Variants in SARDH observed in about 807,000 individuals in gnomAD.
SARDH encodes sarcosine dehydrogenase, mitochondrial.
Under a neutral mutation model 109.1 loss-of-function variants are expected in SARDH, and 95 were observed. That is an observed-to-expected ratio of 0.87 (90% CI 0.74 to 1.03). The LOEUF is 1.03. Among genes scored for constraint, SARDH ranks in the 50% least tolerant of loss-of-function variants. SARDH has a pLI of 0.00. For missense variants in SARDH, 1,267 were observed against 1,287.8 expected (o/e 0.98, Z 0.25); for synonymous variants, 572 against 534.8 (o/e 1.07, Z -0.96).
At chr9:133,726,140 G>A (rs1307607418) in intron 6 of SARDH, among the ~76,000 whole-genome samples, 1 of 152,070 alleles carries the variant, frequency 6.6e-6, no homozygotes, top group Admixed American at 6.5e-5. Flanking sequence ...TTAGGAGTCT[G>A]AGGCAGGAGG....
chr9:133,717,581 G>A, intron 7 of SARDH, 126 bp from the exon 8 acceptor site: 1 of 1,365,972 alleles, frequency 7.3e-7, no homozygotes, highest in Non-Finnish European at 9.9e-7. Flanking sequence ...GAGGGCTGGT[G>A]GTCACCCACA....
chr9:133,670,870 T>C (rs1830322116), intron 18 of SARDH, 118 bp from the exon 19 acceptor site: 3 of 1,364,424 alleles, frequency 2.2e-6, no homozygotes, highest in Middle Eastern at 2.4e-4. Flanking sequence ...CTCTCAGAGC[T>C]GCTTAGTCAC....
rs548569853 is a variant in SARDH at position 133,704,715 on chromosome 9, C to A, written c.1554+233G>T. ...CCATGGAAGGCCTGGCCACAGCGGACGGGTAGTGGGGAGGACGAGGAGTGG... is the reference window on the plus strand; with the variant it reads ...CCATGGAAGGCCTGGCCACAGCGGAAGGGTAGTGGGGAGGACGAGGAGTGG... On this transcript the variant is annotated intron_variant, in intron 12 of 20. Coordinates refer to ENST00000439388, the MANE Select transcript of SARDH (RefSeq NM_001134707.2). The surrounding 1 kb of genome is among the most constrained non-coding windows in gnomAD (Gnocchi z 4.5). Among the ~76,000 whole-genome samples the A allele has an allele frequency of 6.6e-6, 1 of 152,168 alleles. No homozygotes were observed. The highest frequency in any genetic ancestry group is 2.4e-5 in the African/African-American group (1 of 41,442).
At chr9:133,659,781 C>A (rs746999514), downstream of SARDH, among the ~76,000 whole-genome samples, 4 of 152,088 alleles carry the variant, frequency 2.6e-5, no homozygotes, top group Non-Finnish European at 4.4e-5. Flanking sequence ...ATGCCAGGCC[C>A]CAGCCTGGAG....
At chr9:133,733,753 G>A in intron 2 of SARDH, 90 bp downstream of exon 2, 1 of 1,267,854 alleles carries the variant, frequency 7.9e-7, no homozygotes, top group Non-Finnish European at 1.0e-6. Context: ...GCTGGTTGTT[G>A]TGAACCAAGA....
downstream of SARDH, among the ~76,000 whole-genome samples, chr9:133,660,509 C>T (rs1832399083): frequency 6.6e-6 from 1 of 152,220 alleles, no homozygotes; most frequent in Admixed American, 6.5e-5. Flanking sequence ...AAATGACCTA[C>T]ATGCCCCAAG....
chr9:133,661,257 C>T (rs1832408714), downstream of SARDH, among the ~76,000 whole-genome samples: 1 of 150,748 alleles, frequency 6.6e-6, no homozygotes, highest in Admixed American at 6.6e-5. Context: ...GGGAGAATTG[C>T]TTGACCTGGG....
chr9:133,685,275 A>G lies in SARDH; in HGVS notation c.2081T>C (p.Leu694Ser). The change falls in exon 17 of 21, where the codon TTG becomes TCG. Residue 694 changes from leucine (L) to serine (S), a missense_variant. By Grantham distance (145) the Leu-to-Ser change is moderately radical. Coordinates refer to ENST00000439388, the MANE Select transcript of SARDH (RefSeq NM_001134707.2). Reference sequence around the variant, plus strand: ...CAGGTCTGCGTCCAGCACCTCCTGCAAAATGGCTCGGCTGCAGGCAAGAGC... The same window carrying G: ...CAGGTCTGCGTCCAGCACCTCCTGCGAAATGGCTCGGCTGCAGGCAAGAGC... The part of the protein sequence containing the change: ...SIQGPASRAI[L>S]QEVLDADLSN... 6.2e-7 allele frequency: 1 copy of G among 1,613,814 alleles called. No homozygotes were observed. The highest frequency in any genetic ancestry group is 8.5e-7 in the Non-Finnish European group (1 of 1,179,930).
At chr9:133,726,267 T>G (rs1490308650) in intron 6 of SARDH, among the ~76,000 whole-genome samples, 1 of 149,438 alleles carries the variant, frequency 6.7e-6, no homozygotes, top group Non-Finnish European at 1.5e-5. Context: ...ACTCGGGAGG[T>G]GGAGGTGGGA....
intron 17 of SARDH, among the ~76,000 whole-genome samples, chr9:133,681,211 T>C (rs1830683548): frequency 6.6e-6 from 1 of 152,106 alleles, no homozygotes; most frequent in Non-Finnish European, 1.5e-5. Context: ...ATGGGGAGAA[T>C]GCTGGTGGGT....
chr9:133,696,734 G>A (rs1831302885), intron 13 of SARDH, among the ~76,000 whole-genome samples: 2 of 152,022 alleles, frequency 1.3e-5, no homozygotes, highest in South Asian at 2.1e-4. Flanking sequence ...AGAACCAATG[G>A]ATCAAAGAAA....
At position 133,701,554 on chromosome 9, in the gene SARDH, G is replaced by A. The variant is rs1831487906; in HGVS notation, c.1668+1362C>T. 5.3e-5 allele frequency among the ~76,000 whole-genome samples: 8 copies of A among 152,372 alleles called. No homozygotes were observed. The South Asian group carries it at 1.7e-3, about 32-fold the overall frequency. The stretch of plus-strand genomic sequence containing the variant: ...TCAGGCGCGTTTGCGGAGGCCGGAT[G>A]AAGCCACAAAGCCAAGTTGGCATCT... On this transcript the variant is annotated intron_variant, in intron 13 of 20. Coordinates refer to ENST00000439388, the MANE Select transcript of SARDH (RefSeq NM_001134707.2).
chr9:133,675,283 G>A lies in SARDH; in HGVS notation c.2164-3586C>T, dbSNP rs532294800. On this transcript the variant is annotated intron_variant, in intron 17 of 20. Transcript: ENST00000439388. ...GGAGAATCACTTGAATCAAGGAGGT[G>A]GAGGCTGCAGTGAGCCGAGATTGTG... Among the ~76,000 whole-genome samples, 12 of 152,146 alleles carry A rather than the reference G, an allele frequency of 7.9e-5. No individual in the cohort carries two copies. In the East Asian group the frequency reaches 2.1e-3, roughly 27 times the overall value.
Position 133,730,421 on chromosome 9 carries a change from G to GT in SARDH, c.691-235dup, listed in dbSNP as rs1305039495. On this transcript the variant is annotated intron_variant, in intron 4 of 20. Transcript: ENST00000439388. ...TTGGGCAAGTTCTTTCACTTGACTTGTGGGGGGAACCCTCTTTTCATAACG... is the reference window on the plus strand; with the variant it reads ...TTGGGCAAGTTCTTTCACTTGACTTGTTGGGGGGAACCCTCTTTTCATAACG... 4.0e-5 allele frequency among the ~76,000 whole-genome samples: 6 copies of GT among 150,602 alleles called. No individual in the cohort carries two copies. The East Asian group carries it at 1.2e-3, about 30-fold the overall frequency.
intron 20 of SARDH, among the ~76,000 whole-genome samples, chr9:133,665,573 A>G (rs1830033882): frequency 1.3e-5 from 2 of 152,204 alleles, no homozygotes; most frequent in South Asian, 4.1e-4. Context: ...GTCACAAAGC[A>G]AGTAAAAGGC....
rs976612867 is a variant in SARDH, at chr9:133,693,129, C to T, written c.1921+1129G>A. On this transcript the variant is annotated intron_variant, in intron 15 of 20. Coordinates refer to ENST00000439388, the MANE Select transcript of SARDH (RefSeq NM_001134707.2). The surrounding 1 kb of genome is among the most constrained non-coding windows in gnomAD (Gnocchi z 5.6). ...CTCTTGACCCATCTAACATCCTACA[C>T]CTTCCACTTATTTTATTTTTTTAAT... 3.3e-5 allele frequency among the ~76,000 whole-genome samples: 5 copies of T among 152,026 alleles called. No homozygotes were observed. The highest frequency in any genetic ancestry group is 5.9e-5 in the Non-Finnish European group (4 of 67,976).
chr9:133,735,730 A>AC (rs1387265084), intron 1 of SARDH, among the ~76,000 whole-genome samples: 1 of 151,682 alleles, frequency 6.6e-6, no homozygotes, highest in East Asian at 1.9e-4. Flanking sequence ...AAAAAAACAC[A>AC]CCCCTCGGTG....
intron 19 of SARDH, chr9:133,667,203 T>G (rs1018611293): frequency 7.5e-4 from 376 of 504,154 alleles, no homozygotes; most frequent in African/African-American, 1.7e-3. Context: ...GGTTTTTTTT[T>G]TTTTTTTTTT....
At position 133,684,652 on chromosome 9, in the gene SARDH, G is replaced by A. The variant is rs553893486; in HGVS notation, c.2163+541C>T. Among the ~76,000 whole-genome samples the A allele has an allele frequency of 2.5e-4, 38 of 152,290 alleles. No homozygotes were observed. The South Asian group carries it at 7.1e-3, about 28-fold the overall frequency. The stretch of plus-strand genomic sequence containing the variant: ...ACACTACCACCATCTCAGAAGGGAC[G>A]GGCTCTGGCCCCCAGGATACAGGCT... On this transcript the variant is annotated intron_variant, in intron 17 of 20. Coordinates refer to ENST00000439388, the MANE Select transcript of SARDH (RefSeq NM_001134707.2).
Sources: allele counts gnomAD v4.1 joint callset (sites outside exome capture counted in the v4.1 genomes callset), GRCh38; gene constraint gnomAD v4.1.1; non-coding constraint Gnocchi (gnomAD v3.1); transcripts MANE v1.5; gene names NCBI Gene and HGNC (gene_info 2026-07-23, HGNC 2026-07-21).